The following KIAA1217 variants were observed in gnomAD, a reference collection of about 807,000 sequenced individuals.
KIAA1217 encodes sickle tail protein homolog.
Under a neutral mutation model 163.9 loss-of-function variants are expected in KIAA1217, and 88 were observed. The observed-to-expected ratio is 0.54, with a 90% CI of 0.45 to 0.64. The LOEUF (loss-of-function observed/expected upper bound fraction) is 0.64. Among genes scored for constraint, KIAA1217 ranks in the 30% least tolerant of loss-of-function variants. KIAA1217 has a pLI of 0.00. For missense variants in KIAA1217, 2,372 were observed against 2,475.0 expected, an observed-to-expected ratio of 0.96 and a Z score of 0.88; for synonymous variants, 903 against 923.1, an observed-to-expected ratio of 0.98 and a Z score of 0.39.
In KIAA1217 at chr10:23,946,330, T is replaced by A. The variant is rs116345403; in HGVS notation, c.-320-60895T>A. ...ATAGGAAAAAAAAAAGTAAAAGAGC[T>A]ATTTGGCATATAGGAAAAAAAAAAG... On this transcript the variant is annotated intron_variant, in intron 1 of 18. Transcript: ENST00000376462. Among the ~76,000 whole-genome samples the A allele has an allele frequency of 5.7e-3, 841 of 148,452 alleles. 12 individuals are homozygous for A. Among genetic ancestry groups the A allele is most frequent in the African/African-American group, 0.02 (802 of 39,868 alleles).
At chr10:24,326,703 C>T (rs1288363217) in intron 2 of KIAA1217, among the ~76,000 whole-genome samples, 2 of 151,836 alleles carry the variant, frequency 1.3e-5, no homozygotes, top group Non-Finnish European at 2.9e-5. Context: ...ACTGGGCTGT[C>T]CACAAAAGGT....
chr10:23,760,201 T>C (rs944856539), intron 1 of KIAA1217, among the ~76,000 whole-genome samples: 45 of 152,212 alleles, frequency 3.0e-4, no homozygotes, highest in African/African-American at 1.1e-3. Flanking sequence ...AGCATGTACT[T>C]GCTAAGAGCT....
intron 2 of KIAA1217, among the ~76,000 whole-genome samples, chr10:24,096,559 A>G (rs1295497957): frequency 6.6e-6 from 1 of 152,164 alleles, no homozygotes; most frequent in Admixed American, 6.5e-5. Flanking sequence ...ACATCCTACC[A>G]GGCTCTGCAG....
chr10:24,533,603 G>A (rs370094353), intron 16 of KIAA1217, among the ~76,000 whole-genome samples: 47 of 152,222 alleles, frequency 3.1e-4, no homozygotes, highest in Non-Finnish European at 5.3e-4. Flanking sequence ...TGAAGGACAC[G>A]TTACGTGGGT....
intron 1 of KIAA1217, among the ~76,000 whole-genome samples, chr10:23,955,730 C>T (rs1844532369): frequency 6.6e-6 from 1 of 152,130 alleles, no homozygotes; most frequent in South Asian, 2.1e-4. Flanking sequence ...ATATATTTGG[C>T]TTTTTTGCTA....
At chr10:24,059,981 C>T (rs574084461) in intron 2 of KIAA1217, among the ~76,000 whole-genome samples, 2 of 152,310 alleles carry the variant, frequency 1.3e-5, no homozygotes, top group East Asian at 3.9e-4. Flanking sequence ...CTCTTACAAT[C>T]TATTCATAGT....
At chr10:23,818,182 A>G (rs909716930) in intron 1 of KIAA1217, among the ~76,000 whole-genome samples, 3 of 144,310 alleles carry the variant, frequency 2.1e-5, no homozygotes, top group Non-Finnish European at 3.0e-5. Flanking sequence ...GATGACATCA[A>G]TAAAGGTATT....
chr10:23,949,642 C>T (rs892918662), intron 1 of KIAA1217, among the ~76,000 whole-genome samples: 3 of 151,726 alleles, frequency 2.0e-5, no homozygotes, highest in Admixed American at 6.6e-5. Context: ...GAAAAGACTG[C>T]CTGGTGTGTT....
Position 23,775,496 on chromosome 10 carries a change from A to G in KIAA1217, c.-321+80262A>G, listed in dbSNP as rs1468079936. The stretch of plus-strand genomic sequence containing the variant: ...TTAAGACACCCAGGTGCCAGTGTGC[A>G]CCCGGCACTGAGAAATGAGGTCAGG... On this transcript the variant is annotated intron_variant, in intron 1 of 18. Coordinates refer to the KIAA1217 transcript ENST00000376462. 2.0e-5 allele frequency among the ~76,000 whole-genome samples: 3 copies of G among 152,174 alleles called. No individual in the cohort carries two copies. The East Asian group carries it at 5.8e-4, about 29-fold the overall frequency.
At chr10:24,280,180 A>G (rs2077748671) in intron 2 of KIAA1217, among the ~76,000 whole-genome samples, 1 of 152,200 alleles carries the variant, frequency 6.6e-6, no homozygotes, top group East Asian at 1.9e-4. Context: ...TACGTATGTC[A>G]AAAACAGTCA....
intron 2 of KIAA1217, among the ~76,000 whole-genome samples, chr10:24,140,661 C>T (rs1461562008): frequency 6.6e-5 from 10 of 152,090 alleles, no homozygotes; most frequent in Non-Finnish European, 1.0e-4. Context: ...ACTTAGGAAT[C>T]GTTTATTTCT....
intron 1 of KIAA1217, among the ~76,000 whole-genome samples, chr10:23,727,490 G>A (rs1448972870): frequency 6.6e-6 from 1 of 151,960 alleles, no homozygotes; most frequent in East Asian, 1.9e-4. Flanking sequence ...AACCTGGGAG[G>A]TGGAGGTTGC....
intron 1 of KIAA1217, among the ~76,000 whole-genome samples, chr10:24,000,826 T>C (rs1023415203): frequency 6.6e-5 from 10 of 152,232 alleles, no homozygotes; most frequent in Admixed American, 2.0e-4. Flanking sequence ...GGTCGAGCAC[T>C]GCTCGCCCTC....
intron 1 of KIAA1217, among the ~76,000 whole-genome samples, chr10:23,868,218 C>T (rs1167982782): frequency 6.6e-6 from 1 of 152,028 alleles, no homozygotes; most frequent in Non-Finnish European, 1.5e-5. Context: ...CCTTCTCAAC[C>T]CACAAAATAA....
At chr10:24,002,046 A>G (rs1332430955) in intron 1 of KIAA1217, among the ~76,000 whole-genome samples, 1 of 152,120 alleles carries the variant, frequency 6.6e-6, no homozygotes, top group Non-Finnish European at 1.5e-5. Context: ...GGGGTCTGTG[A>G]TAGTAGATGA....
chr10:23,984,922 G>T (rs988888273), intron 1 of KIAA1217, among the ~76,000 whole-genome samples: 5 of 149,602 alleles, frequency 3.3e-5, no homozygotes, highest in African/African-American at 9.8e-5. Context: ...AGAACTTAAA[G>T]TATTAAAAAA....
intron 1 of KIAA1217, among the ~76,000 whole-genome samples, chr10:23,940,044 G>C (rs2131332436): frequency 6.6e-6 from 1 of 151,744 alleles, no homozygotes; most frequent in Admixed American, 6.6e-5. Flanking sequence ...AAGTATAAGA[G>C]GTTTATTTTT....
chr10:24,440,260 C>T (rs148897797), intron 5 of KIAA1217, among the ~76,000 whole-genome samples: 122 of 152,302 alleles, frequency 8.0e-4, no homozygotes, highest in Non-Finnish European at 1.4e-3. Context: ...TTGAGTCATG[C>T]CAATCGTGAA....
intron 2 of KIAA1217, among the ~76,000 whole-genome samples, chr10:24,270,749 G>T (rs2131953171): frequency 6.6e-6 from 1 of 152,170 alleles, no homozygotes; most frequent in South Asian, 2.1e-4. Flanking sequence ...GTTTCACCAT[G>T]TTACCCAGGC....
Sources: allele counts gnomAD v4.1 joint callset (sites outside exome capture counted in the v4.1 genomes callset), GRCh38; gene constraint gnomAD v4.1.1; transcripts MANE v1.5; gene names NCBI Gene and HGNC (gene_info 2026-07-23, HGNC 2026-07-21).